Variants in CFAP92 observed in about 807,000 individuals in gnomAD.
CFAP92 encodes the protein cilia and flagella associated protein 92 (putative).
A neutral mutation model predicts 106.3 loss-of-function variants in CFAP92; 86 were observed. The ratio of observed to expected loss-of-function variants is 0.81; its 90% CI spans 0.68 to 0.97. The LOEUF (loss-of-function observed/expected upper bound fraction) is 0.97. Among genes scored for constraint, CFAP92 ranks in the 50% least tolerant of loss-of-function variants. The pLI, the probability that CFAP92 is intolerant of heterozygous loss-of-function variation, is 0.00. For missense variants in CFAP92, 1,204 were observed against 1,283.8 expected, an observed-to-expected ratio of 0.94 and a Z score of 0.95; for synonymous variants, 477 against 506.4, an observed-to-expected ratio of 0.94 and a Z score of 0.78.
At chr3:128,923,137 A>T (rs564731908) in intron 12 of CFAP92, among the ~76,000 whole-genome samples, 1 of 149,414 alleles carries the variant, frequency 6.7e-6, no homozygotes, top group African/African-American at 2.6e-5. Context: ...GGTTGAGGGT[A>T]TGCTTGTGTT....
intron 10 of CFAP92, 95 bp downstream of exon 10, chr3:128,944,976 G>C: frequency 9.3e-7 from 1 of 1,081,014 alleles, no homozygotes; most frequent in Non-Finnish European, 1.3e-6. Context: ...CACAGACAAG[G>C]ATGCTAAACC....
intron 9 of CFAP92, among the ~76,000 whole-genome samples, chr3:128,949,990 A>T (rs1940621469): frequency 6.6e-6 from 1 of 152,184 alleles, no homozygotes. Context: ...ACCTGGCCTG[A>T]TCTATACATA....
At chr3:128,976,839 C>G in intron 6 of CFAP92, 140 bp downstream of exon 6, 1 of 674,420 alleles carries the variant, frequency 1.5e-6, no homozygotes, top group East Asian at 2.7e-5. Context: ...CAAGCTACCC[C>G]TTCCCTGTTA....
intron 1 of CFAP92, among the ~76,000 whole-genome samples, chr3:129,000,788 G>A (rs1944690403): frequency 6.6e-6 from 1 of 152,228 alleles, no homozygotes; most frequent in South Asian, 2.1e-4. Flanking sequence ...AGGTGGCAGG[G>A]CCGGGAGACA....
chr3:128,929,061 C>T (rs775946307), intron 12 of CFAP92, among the ~76,000 whole-genome samples: 1 of 152,078 alleles, frequency 6.6e-6, no homozygotes, highest in Admixed American at 6.6e-5. Context: ...GGGTTCAAGA[C>T]CAGCCTGGGT....
intron 12 of CFAP92, among the ~76,000 whole-genome samples, chr3:128,924,459 T>TTG (rs1937528953): frequency 2.0e-5 from 2 of 102,028 alleles, no homozygotes; most frequent in Non-Finnish European, 3.9e-5. Context: ...TTTTTTTTTT[T>TTG]TTGAGACAGA....
intron 4 of CFAP92, among the ~76,000 whole-genome samples, chr3:128,982,428 T>C (rs978247243): frequency 1.3e-5 from 2 of 152,242 alleles, no homozygotes; most frequent in African/African-American, 4.8e-5. Context: ...TCAGTTAATA[T>C]TGTGGCTGGT....
intron 1 of CFAP92, among the ~76,000 whole-genome samples, chr3:129,001,058 G>A (rs2341298): frequency 0.039 from 5,988 of 152,322 alleles, 299 homozygotes; most frequent in African/African-American, 0.11. Context: ...CGGCTACAGG[G>A]CGGCGAGAGC....
upstream of CFAP92, among the ~76,000 whole-genome samples, chr3:129,004,368 A>ACCCCCCCCCCCCCCCCCCCCCC (rs1428229958): frequency 2.2e-5 from 1 of 44,586 alleles, no homozygotes. Flanking sequence ...CCATTCACTC[A>ACCCCCCCCCCCCCCCCCCCCCC]CCCCCCCCAC....
At position 128,978,064 on chromosome 3, in the gene CFAP92, T is replaced by C. The variant is rs375425565; in HGVS notation, c.789A>G (p.Lys263=). 2.4e-5 allele frequency: 38 copies of C among 1,613,822 alleles called. No homozygotes were observed. Among genetic ancestry groups the C allele is most frequent in the Non-Finnish European group, 3.1e-5 (37 of 1,179,876 alleles). ...HPPGKQEKTE[K]HPKSLQGSHQ... is the part of the protein sequence containing the mutation. ...GCTCACCTTGCAAAGACTTTGGGTG[T>C]TTTTCTGTTTTTTCTTGTTTTCCTG... The change falls in exon 5 of 16, where the codon AAA becomes AAG. Residue 263 remains lysine, a synonymous_variant. Transcript: ENST00000645291.
intron 9 of CFAP92, among the ~76,000 whole-genome samples, chr3:128,946,994 A>G (rs1171215117): frequency 1.3e-5 from 2 of 152,232 alleles, no homozygotes; most frequent in African/African-American, 2.4e-5. Flanking sequence ...ACAATGGAGA[A>G]GCTGAGAACC....
At chr3:128,926,682 A>G (rs1056587937) in intron 12 of CFAP92, among the ~76,000 whole-genome samples, 5 of 152,164 alleles carry the variant, frequency 3.3e-5, no homozygotes, top group Admixed American at 2.6e-4. Context: ...TTCACCCTCA[A>G]ATTCCTCTAC....
the CFAP92 span, among the ~76,000 whole-genome samples, chr3:129,018,396 C>T: frequency 6.6e-6 from 1 of 152,216 alleles, no homozygotes; most frequent in African/African-American, 2.4e-5. Flanking sequence ...AGGGATATTT[C>T]ATGACATATG....
At chr3:128,968,061 C>G (rs1018712038) in intron 8 of CFAP92, 5 of 139,248 alleles carry the variant, frequency 3.6e-5, no homozygotes, top group Non-Finnish European at 8.0e-5. Context: ...TGTGCTCCTC[C>G]AACAGCCAGT....
intron 9 of CFAP92, among the ~76,000 whole-genome samples, chr3:128,950,185 T>C (rs1469378689): frequency 6.6e-6 from 1 of 152,192 alleles, no homozygotes; most frequent in African/African-American, 2.4e-5. Flanking sequence ...CCCAGCTCCT[T>C]TCTGTCTGTG....
chr3:128,990,451 C>T (rs1944142238), intron 2 of CFAP92, among the ~76,000 whole-genome samples: 1 of 151,536 alleles, frequency 6.6e-6, no homozygotes, highest in Non-Finnish European at 1.5e-5. Flanking sequence ...GAGCCAAGAT[C>T]GCGCCACTGT....
rs1442917220 is a variant in CFAP92, at chr3:128,946,644, G to C, written c.1354-669C>G. ...ACTATTTATTTTACACGGAAGCTGA[G>C]AATTTATTCTAAAATAATCCCGGAT... On this transcript the variant is annotated intron_variant, in intron 9 of 15. Coordinates refer to ENST00000645291, the MANE Select transcript of CFAP92 (RefSeq NM_001394090.1). 2.6e-5 allele frequency among the ~76,000 whole-genome samples: 4 copies of C among 152,210 alleles called. No homozygotes were observed. The East Asian group carries it at 7.7e-4, about 29-fold the overall frequency.
chr3:128,935,552 A>G (rs1489769718), intron 10 of CFAP92, among the ~76,000 whole-genome samples: 1 of 152,154 alleles, frequency 6.6e-6, no homozygotes, highest in African/African-American at 2.4e-5. Context: ...TCTCTAGTAA[A>G]AAATACAAAA....
chr3:128,910,925 A>T, intron 15 of CFAP92: 1 of 1,326,378 alleles, frequency 7.5e-7, no homozygotes, highest in Non-Finnish European at 1.1e-6. Flanking sequence ...CTACTCACAG[A>T]CCTCTGCCTT....
Sources: gnomAD v4.1 joint callset for allele counts (sites outside exome capture counted in the v4.1 genomes callset) on GRCh38, gnomAD v4.1.1 for gene constraint, MANE v1.5 for transcripts, NCBI Gene and HGNC (gene_info 2026-07-23, HGNC 2026-07-21) for gene names.